Variants in ZFYVE28 observed in about 807,000 individuals in gnomAD.
ZFYVE28 encodes zinc finger FYVE-type containing 28, also known as lateral signaling target protein 2 homolog.
Under a neutral mutation model 82.1 loss-of-function variants are expected in ZFYVE28, and 40 were observed. That is an observed-to-expected ratio of 0.49 (90% CI 0.38 to 0.63). The LOEUF is 0.63. Among genes scored for constraint, ZFYVE28 ranks in the 30% least tolerant of loss-of-function variants. The probability of loss-of-function intolerance (pLI) is 0.00; values close to 1 mark genes in which losing one functional copy is unlikely to be tolerated. For synonymous variants in ZFYVE28, 612 were observed against 546.1 expected (o/e 1.12, Z -1.68); for missense variants, 1,321 against 1,242.1 (o/e 1.06, Z -0.96).
Position 2,339,578 on chromosome 4 carries a change from C to T in ZFYVE28, c.396G>A (p.Thr132=), listed in dbSNP as rs138630556. The T allele has an allele frequency of 1.3e-5, 21 of 1,612,602 alleles. No homozygotes were observed. Among genetic ancestry groups the T allele is most frequent in the African/African-American group, 6.7e-5 (5 of 74,912 alleles). The change falls in exon 4 of 13, where the codon ACG becomes ACA. Residue 132 remains threonine (T), a synonymous_variant. Coordinates refer to ENST00000290974, the MANE Select transcript of ZFYVE28 (RefSeq NM_020972.3). The surrounding 1 kb of genome is among the most constrained non-coding windows in gnomAD (Gnocchi z 5.0). ...MAMRPLAKEL[T]RSLEDVRGAL... ...CGCCCCGCACGTCCTCCAGGCTGCGCGTCAGCTCCTTGGCCAGCGGGCGCA... is the reference window on the plus strand; with the variant it reads ...CGCCCCGCACGTCCTCCAGGCTGCGTGTCAGCTCCTTGGCCAGCGGGCGCA...
At chr4:2,315,058 G>T (rs1489047153) in intron 7 of ZFYVE28, among the ~76,000 whole-genome samples, 1 of 152,026 alleles carries the variant, frequency 6.6e-6, no homozygotes, top group East Asian at 1.9e-4. Flanking sequence ...TTACAGGCAG[G>T]AGCCACCGCA....
chr4:2,411,094 CG>C (rs1732473643), intron 1 of ZFYVE28, among the ~76,000 whole-genome samples: 1 of 152,308 alleles, frequency 6.6e-6, no homozygotes, highest in South Asian at 2.1e-4. Flanking sequence ...CCCAGGAAGC[CG>C]GTGTAAAATA....
Position 2,335,509 on chromosome 4 carries a change from A to ACAGGGGGCACT in ZFYVE28, c.701+185_701+195dup, listed in dbSNP as rs1338064972. ...AGAGCCTCCCTCACCAGCAAGGTGAACAGGGGGCACTCAGGACACGTGGTC... is the reference window on the plus strand; with the variant it reads ...AGAGCCTCCCTCACCAGCAAGGTGAACAGGGGGCACTCAGGGGGCACTCAGGACACGTGGTC... On this transcript the variant is annotated intron_variant, in intron 6 of 12. Coordinates refer to ENST00000290974, the MANE Select transcript of ZFYVE28 (RefSeq NM_020972.3). The surrounding 1 kb of genome is among the most constrained non-coding windows in gnomAD (Gnocchi z 5.8). 6.6e-6 allele frequency among the ~76,000 whole-genome samples: 1 copy of ACAGGGGGCACT among 152,160 alleles called. No homozygotes were observed. The highest frequency in any genetic ancestry group is 1.5e-5 in the Non-Finnish European group (1 of 68,012).
intron 1 of ZFYVE28, among the ~76,000 whole-genome samples, chr4:2,379,596 T>C (rs1728512043): frequency 6.6e-6 from 1 of 152,200 alleles, no homozygotes; most frequent in Non-Finnish European, 1.5e-5. Flanking sequence ...ACTCCTCCTG[T>C]GCAGAGATGG....
At chr4:2,365,218 C>T (rs936042446) in intron 1 of ZFYVE28, among the ~76,000 whole-genome samples, 2 of 151,746 alleles carry the variant, frequency 1.3e-5, no homozygotes, top group Non-Finnish European at 2.9e-5. Flanking sequence ...CCCGGGTGGG[C>T]CACGCGGGGT....
chr4:2,410,347 T>C (rs572465218), intron 1 of ZFYVE28, among the ~76,000 whole-genome samples: 45 of 152,248 alleles, frequency 3.0e-4, no homozygotes, highest in Middle Eastern at 3.4e-3. Context: ...GGACATTTCA[T>C]AGAAATGGAA....
intron 1 of ZFYVE28, among the ~76,000 whole-genome samples, chr4:2,385,523 G>A (rs7691855): frequency 0.034 from 5,242 of 152,308 alleles, 299 homozygotes; most frequent in African/African-American, 0.12. Context: ...ACGCCAAGCA[G>A]CAAAGCGCCC....
intron 6 of ZFYVE28, among the ~76,000 whole-genome samples, chr4:2,321,622 T>G (rs988984678): frequency 6.6e-6 from 1 of 151,986 alleles, no homozygotes. Context: ...ATTACCCAAA[T>G]AGAGCCTTAA....
At chr4:2,345,699 C>A (rs1723431980) in intron 2 of ZFYVE28, among the ~76,000 whole-genome samples, 1 of 150,540 alleles carries the variant, frequency 6.6e-6, no homozygotes, top group Admixed American at 6.6e-5. Flanking sequence ...TAAATGAACC[C>A]CAAGCAGAAG....
At chr4:2,406,894 CT>C (rs35338139) in intron 1 of ZFYVE28, among the ~76,000 whole-genome samples, 27,862 of 152,112 alleles carry the variant, frequency 0.18, 2,703 homozygotes, top group East Asian at 0.34. Flanking sequence ...GTTATCCCTT[CT>C]TCTGGGACTG....
intron 1 of ZFYVE28, among the ~76,000 whole-genome samples, chr4:2,387,056 T>TCCAGGGCCGGGG (rs761181680): frequency 0.17 from 25,566 of 152,024 alleles, 2,445 homozygotes; most frequent in African/African-American, 0.27. Flanking sequence ...TGCAGGAGAC[T>TCCAGGGCCGGGG]CCGGGGCCGG....
intron 1 of ZFYVE28, among the ~76,000 whole-genome samples, chr4:2,373,667 C>G (rs1398472315): frequency 1.3e-5 from 2 of 152,194 alleles, no homozygotes. Flanking sequence ...GGCTCTAGAA[C>G]CCATGCAGTG....
At chr4:2,334,078 G>A (rs1284253321) in intron 6 of ZFYVE28, among the ~76,000 whole-genome samples, 2 of 152,144 alleles carry the variant, frequency 1.3e-5, no homozygotes, top group Admixed American at 6.5e-5. Context: ...TGAGTCTAAC[G>A]GCAGGAGGAT....
chr4:2,271,155 G>A (rs1008156351), intron 12 of ZFYVE28, 156 bp downstream of exon 12: 5 of 814,524 alleles, frequency 6.1e-6, no homozygotes, highest in Non-Finnish European at 9.5e-6. Context: ...AATGCCTGGA[G>A]TCAGAACAGG....
chr4:2,334,313 C>T (rs1248073204), intron 6 of ZFYVE28, among the ~76,000 whole-genome samples: 1 of 151,982 alleles, frequency 6.6e-6, no homozygotes, highest in African/African-American at 2.4e-5. Flanking sequence ...GCGGCCTGGC[C>T]CAGGGGTGTC....
intron 8 of ZFYVE28, among the ~76,000 whole-genome samples, chr4:2,290,984 C>T (rs141813510): frequency 9.8e-5 from 15 of 152,346 alleles, no homozygotes; most frequent in Non-Finnish European, 1.5e-4. Context: ...ATAAGCAATA[C>T]ATGTGCACCC....
chr4:2,271,099 C>T (rs1577836530), intron 12 of ZFYVE28: 1 of 741,682 alleles, frequency 1.3e-6, no homozygotes, highest in Non-Finnish European at 2.2e-6. Context: ...GCTGGCTCTG[C>T]AGCAGCCGGG....
In ZFYVE28 at chr4:2,416,373, G is replaced by A. The variant is rs1733035875; in HGVS notation, c.39+1912C>T. On this transcript the variant is annotated intron_variant, in intron 1 of 12. Coordinates refer to ENST00000290974, the MANE Select transcript of ZFYVE28 (RefSeq NM_020972.3). This position sits in a 1 kb window ranked among gnomAD's most constrained non-coding sequence, Gnocchi z 4.6. ...CTCTTCCACAGCCACGTCCGGAGGG[G>A]CATCCCCTAGTGTCCCAGCAAGTGC... 6.6e-6 allele frequency among the ~76,000 whole-genome samples: 1 copy of A among 152,208 alleles called. No homozygotes were observed. The highest frequency in any genetic ancestry group is 2.1e-4 in the South Asian group (1 of 4,832).
chr4:2,413,899 T>C (rs1348054099), intron 1 of ZFYVE28, among the ~76,000 whole-genome samples: 1 of 151,950 alleles, frequency 6.6e-6, no homozygotes, highest in Non-Finnish European at 1.5e-5. Context: ...TCCCACAGCC[T>C]TCCAAGCCCC....
Sources: gnomAD v4.1 joint callset for allele counts (sites outside exome capture counted in the v4.1 genomes callset) on GRCh38, gnomAD v4.1.1 for gene constraint, Gnocchi (gnomAD v3.1) non-coding constraint, MANE v1.5 for transcripts, NCBI Gene and HGNC (gene_info 2026-07-23, HGNC 2026-07-21) for gene names.